Variants in DHRS7C observed in about 807,000 individuals in gnomAD.
DHRS7C encodes the protein dehydrogenase/reductase 7C.
DHRS7C carries 28 observed loss-of-function variants against 29.6 expected under a neutral mutation model. The observed-to-expected ratio is 0.95, with a 90% CI of 0.70 to 1.30. The LOEUF (loss-of-function observed/expected upper bound fraction) is 1.30. Among genes scored for constraint, DHRS7C ranks in the 50% most tolerant of loss-of-function variants. The pLI, the probability that DHRS7C is intolerant of heterozygous loss-of-function variation, is 0.00. For missense variants in DHRS7C, 403 were observed against 393.3 expected (o/e 1.02, Z -0.21); for synonymous variants, 158 against 160.2 (o/e 0.99, Z 0.10).
chr17:9,772,810 G>T lies in DHRS7C; in HGVS notation c.684C>A (p.His228Gln). The T allele has an allele frequency of 6.2e-7, 1 of 1,613,950 alleles. No homozygotes were observed. The highest frequency in any genetic ancestry group is 8.5e-7 in the Non-Finnish European group (1 of 1,179,896). The change falls in exon 5 of 6, where the codon CAC becomes CAA. Residue 228 changes from histidine to glutamine, a missense_variant. By Grantham distance (24) the His-to-Gln change is conservative. Transcript: ENST00000571134. ...TVSPTFIRSY[H>Q]VYPEQGNWEA... ...CCCAGTTTCCTTGCTCTGGATACAC[G>T]TGGTACGACCGGATGAAAGTCGGGC...
At chr17:9,788,198 T>A (rs995474301) in intron 1 of DHRS7C, among the ~76,000 whole-genome samples, 16 of 152,144 alleles carry the variant, frequency 1.1e-4, no homozygotes, top group South Asian at 2.1e-4. Context: ...ATTCTTTTTT[T>A]AAAATAAATA....
At chr17:9,783,794 C>T (rs1385621468) in intron 1 of DHRS7C, among the ~76,000 whole-genome samples, 5 of 152,018 alleles carry the variant, frequency 3.3e-5, no homozygotes, top group Non-Finnish European at 5.9e-5. Context: ...GATGAAACCC[C>T]GTCTCTACTA....
At chr17:9,783,663 A>G (rs763573625) in intron 1 of DHRS7C, among the ~76,000 whole-genome samples, 2 of 152,210 alleles carry the variant, frequency 1.3e-5, no homozygotes, top group Non-Finnish European at 2.9e-5. Flanking sequence ...CGGGAAAAGA[A>G]TGTATTACGT....
chr17:9,780,623 G>C lies in DHRS7C; in HGVS notation c.268-588C>G, dbSNP rs150082675. Among the ~76,000 whole-genome samples, 1,058 of 152,238 alleles carry C rather than the reference G, an allele frequency of 6.9e-3. 16 individuals are homozygous for C. The highest frequency in any genetic ancestry group is 0.024 in the African/African-American group (989 of 41,536). ...GATGGGAAAATTGTTGACACCAAGGGGTAAATGCAATCCCAGTGTTTGACA... is the reference window on the plus strand; with the variant it reads ...GATGGGAAAATTGTTGACACCAAGGCGTAAATGCAATCCCAGTGTTTGACA... On this transcript the variant is annotated intron_variant, in intron 2 of 5. Coordinates refer to ENST00000571134, the MANE Select transcript of DHRS7C (RefSeq NM_001105571.3).
Position 9,777,281 on chromosome 17 carries a change from C to A in DHRS7C, c.483G>T (p.Leu161=). 6.2e-7 allele frequency: 1 copy of A among 1,613,166 alleles called. No individual in the cohort carries two copies. Among genetic ancestry groups the A allele is most frequent in the Non-Finnish European group, 8.5e-7 (1 of 1,179,558 alleles). ...YFGPITLTKA[L]LPNMISRRTG... The stretch of plus-strand genomic sequence containing the variant: ...TTCTCCGGGAGATCATGTTGGGAAG[C>A]AGGGCTGGAAAACACAGGACGATGC... The change falls in exon 4 of 6, where the codon CTG becomes CTT. Residue 161 remains leucine (L), a synonymous_variant. Coordinates refer to ENST00000571134, the MANE Select transcript of DHRS7C (RefSeq NM_001105571.3).
intron 5 of DHRS7C, 47 bp downstream of exon 5, chr17:9,772,720 C>T: frequency 6.2e-7 from 1 of 1,603,248 alleles, no homozygotes; most frequent in African/African-American, 1.3e-5. Flanking sequence ...TGACACCGGA[C>T]TGTTCCCGAG....
intron 3 of DHRS7C, among the ~76,000 whole-genome samples, chr17:9,779,458 G>A (rs1455486490): frequency 6.6e-6 from 1 of 152,150 alleles, no homozygotes; most frequent in East Asian, 1.9e-4. Context: ...TCAACCACAA[G>A]GTTGATATAG....
intron 4 of DHRS7C, among the ~76,000 whole-genome samples, chr17:9,773,719 CTTTTTTTTTTTTTT>C (rs757682123): frequency 1.3e-3 from 111 of 86,010 alleles, no homozygotes; most frequent in African/African-American, 6.0e-3. Context: ...GCAATGAGGC[CTTTTTTTTTTTTTT>C]TTTTTTTTTG....
Position 9,771,636 on chromosome 17 carries a change from CG to C in DHRS7C, c.787del (p.Arg263AlafsTer39). The C allele has an allele frequency of 6.3e-7, 1 of 1,592,298 alleles. No individual in the cohort carries two copies. The highest frequency in any genetic ancestry group is 8.6e-7 in the Non-Finnish European group (1 of 1,167,822). On this transcript the variant is annotated frameshift_variant, in exon 6 of 6. Coordinates refer to ENST00000571134, the MANE Select transcript of DHRS7C (RefSeq NM_001105571.3). LOFTEE classifies it high-confidence loss of function. ...CTCTTGCTTCTTCCTCCGCACGGTG[CG>C]CATCACCTCCTCCGCCACCTCTACT... The part of the protein sequence containing the change: ...HPVEVAEEVM[R>X]TVRRKKQEVF...
intron 1 of DHRS7C, among the ~76,000 whole-genome samples, chr17:9,786,137 AC>A (rs1233815405): frequency 1.3e-5 from 2 of 152,012 alleles, no homozygotes; most frequent in African/African-American, 4.8e-5. Flanking sequence ...ACCCTGGCTA[AC>A]ATGGTGAAAC....
intron 1 of DHRS7C, among the ~76,000 whole-genome samples, chr17:9,786,646 G>A (rs530600116): frequency 6.6e-6 from 1 of 152,288 alleles, no homozygotes; most frequent in Non-Finnish European, 1.5e-5. Context: ...TTCACTAACA[G>A]AAACTTCCGT....
chr17:9,778,041 A>G (rs914067431), intron 3 of DHRS7C, among the ~76,000 whole-genome samples: 10 of 152,170 alleles, frequency 6.6e-5, no homozygotes, highest in African/African-American at 2.2e-4. Flanking sequence ...TGAAAAGACA[A>G]TACTCAAAGG....
chr17:9,790,254 T>C (rs1460395658), intron 1 of DHRS7C, among the ~76,000 whole-genome samples: 1 of 152,178 alleles, frequency 6.6e-6, no homozygotes, highest in East Asian at 1.9e-4. Flanking sequence ...AATGTTTGGC[T>C]GTGTGGGATC....
intron 1 of DHRS7C, among the ~76,000 whole-genome samples, chr17:9,789,598 TAAG>T (rs1362489641): frequency 6.6e-6 from 1 of 151,922 alleles, no homozygotes; most frequent in East Asian, 1.9e-4. Flanking sequence ...AGGGGCCAGT[TAAG>T]AAGCTGGTCC....
In DHRS7C at chr17:9,788,719, G is replaced by T. The variant is rs573553674; in HGVS notation, c.154+2412C>A. On this transcript the variant is annotated intron_variant, in intron 1 of 5. Transcript: ENST00000571134. ...TTCCGTGGCACCAGGGTGTGCAGCG[G>T]CTGTGCACAGCCTGCATCATCCACT... Among the ~76,000 whole-genome samples the T allele has an allele frequency of 2.6e-5, 4 of 152,318 alleles. No individual in the cohort carries two copies. The South Asian group carries it at 8.3e-4, about 32-fold the overall frequency.
intron 3 of DHRS7C, among the ~76,000 whole-genome samples, chr17:9,778,727 AG>A (rs879328966): frequency 6.6e-6 from 1 of 152,148 alleles, no homozygotes; most frequent in Non-Finnish European, 1.5e-5. Flanking sequence ...CATCTGTCTT[AG>A]TACTCAGAAT....
At position 9,775,525 on chromosome 17, in the gene DHRS7C, A is replaced by T. The variant is rs1379463443; in HGVS notation, c.571+1668T>A. Among the ~76,000 whole-genome samples the T allele has an allele frequency of 6.6e-6, 1 of 152,060 alleles. No individual in the cohort carries two copies. The highest frequency in any genetic ancestry group is 1.5e-5 in the Non-Finnish European group (1 of 68,008). ...TCTTGCCAGCAGGGACCCAGTGGTGACCACACGGAAGATGTTGTTGATGGA... is the reference window on the plus strand; with the variant it reads ...TCTTGCCAGCAGGGACCCAGTGGTGTCCACACGGAAGATGTTGTTGATGGA... On this transcript the variant is annotated intron_variant, in intron 4 of 5. Transcript: ENST00000571134. This position sits in a 1 kb window ranked among gnomAD's most constrained non-coding sequence, Gnocchi z 4.2.
At chr17:9,778,714 C>T (rs1171419792) in intron 3 of DHRS7C, among the ~76,000 whole-genome samples, 3 of 152,166 alleles carry the variant, frequency 2.0e-5, no homozygotes, top group Admixed American at 1.3e-4. Context: ...GCGTCTTTCT[C>T]TTCATCTGTC....
At chr17:9,783,428 G>A (rs918093177) in intron 1 of DHRS7C, among the ~76,000 whole-genome samples, 1 of 152,182 alleles carries the variant, frequency 6.6e-6, no homozygotes, top group African/African-American at 2.4e-5. Flanking sequence ...CTTGGGAAAT[G>A]ACAGAAAGAT....
Sources: gnomAD v4.1 joint callset for allele counts (sites outside exome capture counted in the v4.1 genomes callset) on GRCh38, gnomAD v4.1.1 for gene constraint, Gnocchi (gnomAD v3.1) non-coding constraint, MANE v1.5 for transcripts, NCBI Gene and HGNC (gene_info 2026-07-23, HGNC 2026-07-21) for gene names.